ACYP2: variants seen among roughly 807,000 people sequenced by gnomAD.
ACYP2 encodes the protein acylphosphatase-2.
In ACYP2, 12 loss-of-function variants were observed where a neutral mutation model predicts 11.2. The observed-to-expected ratio is 1.08, with a 90% confidence interval of 0.69 to 1.74. ACYP2 has a LOEUF of 1.74. ACYP2 is among the 40% of genes most tolerant of loss of function. The pLI is 0.00. For missense variants in ACYP2, 134 were observed against 101.9 expected (o/e 1.31, Z -1.35); for synonymous variants, 43 against 32.2 (o/e 1.33, Z -1.13).
chr2:54,206,888 G>A (rs997783238), intron 6 of ACYP2, among the ~76,000 whole-genome samples: 1 of 152,012 alleles, frequency 6.6e-6, no homozygotes, highest in African/African-American at 2.4e-5. Context: ...TAAATTTGAT[G>A]GTAGCCAATG....
intron 6 of ACYP2, among the ~76,000 whole-genome samples, chr2:54,231,922 C>A (rs1686253655): frequency 6.6e-6 from 1 of 152,192 alleles, no homozygotes; most frequent in African/African-American, 2.4e-5. Context: ...TAACAGCAAT[C>A]CTTTCAGGAA....
intron 2 of ACYP2, among the ~76,000 whole-genome samples, chr2:54,038,673 C>CTGTATA (rs1675041266): frequency 9.4e-6 from 1 of 106,102 alleles, no homozygotes; most frequent in South Asian, 2.8e-4. Flanking sequence ...TTATTGAATA[C>CTGTATA]TATATATATA....
At chr2:54,063,601 C>A (rs972816041) in intron 4 of ACYP2, among the ~76,000 whole-genome samples, 37 of 152,206 alleles carry the variant, frequency 2.4e-4, no homozygotes, top group African/African-American at 8.9e-4. Context: ...AACTTAATTT[C>A]TCTGCTGAAG....
chr2:54,281,574 G>A (rs533554012), intron 6 of ACYP2, among the ~76,000 whole-genome samples: 57 of 152,290 alleles, frequency 3.7e-4, no homozygotes, highest in Middle Eastern at 3.4e-3. Context: ...GAAATCACCA[G>A]AGCTAGACTC....
Position 54,025,977 on chromosome 2 carries a change from C to T in ACYP2, c.63-24981C>T, listed in dbSNP as rs551685273. ...ATTAAAAATATAAAAATTAGCCAGG[C>T]GTGATGGCAGGCGCCTGTAGTCCCA... On this transcript the variant is annotated intron_variant, in intron 2 of 6. Coordinates refer to ENST00000607452, the MANE Select transcript of ACYP2 (RefSeq NM_001320586.2). Among the ~76,000 whole-genome samples the T allele has an allele frequency of 1.3e-5, 2 of 152,178 alleles. 1 individual carries two copies. Among genetic ancestry groups the T allele is most frequent in the African/African-American group, 4.8e-5 (2 of 41,538 alleles).
At chr2:54,050,147 GGACCTCAT>G in intron 2 of ACYP2, among the ~76,000 whole-genome samples, 1 of 151,864 alleles carries the variant, frequency 6.6e-6, no homozygotes, top group East Asian at 1.9e-4. Context: ...TTTTTCCTTA[GGACCTCAT>G]GATGCAACAG....
chr2:54,012,474 C>T (rs1429876164), intron 2 of ACYP2, among the ~76,000 whole-genome samples: 2 of 152,200 alleles, frequency 1.3e-5, no homozygotes, highest in African/African-American at 4.8e-5. Flanking sequence ...CATGACTGTG[C>T]CACTGCACTC....
At chr2:54,120,453 G>T (rs1265989303) in intron 4 of ACYP2, among the ~76,000 whole-genome samples, 1 of 152,158 alleles carries the variant, frequency 6.6e-6, no homozygotes, top group Non-Finnish European at 1.5e-5. Context: ...GCTCTCAGGG[G>T]AATACTAATG....
At chr2:54,123,593 G>A (rs1680280389) in intron 4 of ACYP2, among the ~76,000 whole-genome samples, 1 of 151,788 alleles carries the variant, frequency 6.6e-6, no homozygotes, top group African/African-American at 2.4e-5. Context: ...CCCTTTACCA[G>A]CTGCTTCCCA....
chr2:54,254,700 T>C (rs1687405910), intron 6 of ACYP2: 2 of 539,954 alleles, frequency 3.7e-6, no homozygotes, highest in Non-Finnish European at 6.5e-6. Flanking sequence ...GCTGGGAGCA[T>C]GTGATGTTAA....
chr2:54,049,243 AGAGT>A (rs1675698750), intron 2 of ACYP2, among the ~76,000 whole-genome samples: 2 of 151,690 alleles, frequency 1.3e-5, no homozygotes, highest in East Asian at 3.9e-4. Context: ...CCTGAGTGAC[AGAGT>A]GAGACCCCAT....
At chr2:54,058,742 T>C (rs1389185050) in intron 4 of ACYP2, among the ~76,000 whole-genome samples, 1 of 151,504 alleles carries the variant, frequency 6.6e-6, no homozygotes, top group Non-Finnish European at 1.5e-5. Context: ...CAGGAGCACT[T>C]TCTCTTACAG....
At chr2:54,088,838 T>G (rs797017192) in intron 4 of ACYP2, among the ~76,000 whole-genome samples, 75 of 152,264 alleles carry the variant, frequency 4.9e-4, no homozygotes, top group African/African-American at 1.6e-3. Flanking sequence ...AAGAGTACAG[T>G]GAGGACAAGG....
intron 2 of ACYP2, among the ~76,000 whole-genome samples, chr2:54,006,483 C>T (rs1673070925): frequency 1.3e-5 from 2 of 152,052 alleles, no homozygotes; most frequent in Non-Finnish European, 2.9e-5. Context: ...TGGTGTCTTG[C>T]TGTGCTGCCC....
At chr2:54,229,536 G>C (rs1454673190) in intron 6 of ACYP2, among the ~76,000 whole-genome samples, 1 of 152,154 alleles carries the variant, frequency 6.6e-6, no homozygotes, top group Non-Finnish European at 1.5e-5. Context: ...TTAACAGACA[G>C]AGTAAACATT....
At chr2:54,156,382 G>A (rs774944328) in intron 6 of ACYP2, among the ~76,000 whole-genome samples, 17 of 152,064 alleles carry the variant, frequency 1.1e-4, no homozygotes, top group Non-Finnish European at 2.1e-4. Context: ...ATTAAGCCCC[G>A]CATGCATTAG....
At chr2:54,191,010 C>T (rs1474609788) in intron 6 of ACYP2, among the ~76,000 whole-genome samples, 1 of 152,158 alleles carries the variant, frequency 6.6e-6, no homozygotes, top group Non-Finnish European at 1.5e-5. Flanking sequence ...TTCTGTTCTA[C>T]TTGCAAAATA....
intron 6 of ACYP2, among the ~76,000 whole-genome samples, chr2:54,288,154 C>T (rs1344458968): frequency 9.2e-5 from 14 of 152,054 alleles, no homozygotes; most frequent in Admixed American, 9.2e-4. Flanking sequence ...ACAAAATCAC[C>T]TGTTTCAAAG....
intron 6 of ACYP2, among the ~76,000 whole-genome samples, chr2:54,291,081 C>A (rs992248377): frequency 6.6e-6 from 1 of 152,202 alleles, no homozygotes; most frequent in Non-Finnish European, 1.5e-5. Flanking sequence ...CTAGCTTCCA[C>A]CCCCACCACT....
Sources: allele counts gnomAD v4.1 joint callset (sites outside exome capture counted in the v4.1 genomes callset), GRCh38; gene constraint gnomAD v4.1.1; transcripts MANE v1.5; gene names NCBI Gene and HGNC (gene_info 2026-07-23, HGNC 2026-07-21).